Variants in TRAK1 observed in about 807,000 individuals in gnomAD.
TRAK1 encodes the protein trafficking kinesin protein 1, also known as trafficking kinesin-binding protein 1.
In TRAK1, 33 loss-of-function variants were observed where a neutral mutation model predicts 92.1. The ratio of observed to expected loss-of-function variants is 0.36; its 90% CI spans 0.27 to 0.48. The LOEUF (loss-of-function observed/expected upper bound fraction) is 0.48, where lower values mean the gene tolerates loss of function less well. Ranked by LOEUF, TRAK1 falls within the 20% of genes least tolerant of loss-of-function variation. The pLI, the probability that TRAK1 is intolerant of heterozygous loss-of-function variation, is 0.99. For synonymous variants in TRAK1, 521 were observed against 517.3 expected (o/e 1.01, Z -0.10); for missense variants, 1,123 against 1,257.9 (o/e 0.89, Z 1.62).
At chr3:42,141,453 A>G (rs1262827784) in intron 2 of TRAK1, among the ~76,000 whole-genome samples, 3 of 152,202 alleles carry the variant, frequency 2.0e-5, no homozygotes, top group Non-Finnish European at 4.4e-5. Flanking sequence ...ATCTTAATAG[A>G]TATTAAAGAA....
rs568936405 is a variant in TRAK1, at chr3:42,134,012, C to T, written c.286+8398C>T. Reference sequence around the variant, plus strand: ...TAATTACATTAATAAGCAAAACAGGCGTGAACAGACAGGTTGGGAACACAC... The same window carrying T: ...TAATTACATTAATAAGCAAAACAGGTGTGAACAGACAGGTTGGGAACACAC... On this transcript the variant is annotated intron_variant, in intron 2 of 15. Transcript: ENST00000327628. Among the ~76,000 whole-genome samples, 105 of 152,170 alleles carry T rather than the reference C, an allele frequency of 6.9e-4. 1 individual carries two copies. Among genetic ancestry groups the T allele is most frequent in the African/African-American group, 2.5e-3 (102 of 41,504 alleles).
At chr3:42,154,552 C>T (rs1700329731) in intron 2 of TRAK1, among the ~76,000 whole-genome samples, 1 of 152,066 alleles carries the variant, frequency 6.6e-6, no homozygotes, top group East Asian at 1.9e-4. Context: ...GATCAAGACT[C>T]ATTGCAGCCT....
At chr3:42,199,079 G>C in intron 10 of TRAK1, 98 bp from the exon 11 acceptor site, 2 of 1,239,876 alleles carry the variant, frequency 1.6e-6, no homozygotes, top group South Asian at 1.3e-5. Context: ...CTGATGCCTT[G>C]GTTTACTCTC....
At position 42,199,404 on chromosome 3, in the gene TRAK1, G is replaced by T. The variant is rs1707209516; in HGVS notation, c.1190+151G>T. The T allele has an allele frequency of 1.0e-5, 7 of 679,330 alleles. No individual in the cohort carries two copies. The South Asian group carries it at 1.2e-4, about 11-fold the overall frequency. 42.1% of individuals were successfully genotyped at this position (679,330 alleles called of 1,614,324 possible). ...AGATTAAGGGAAATAATAGAACACA[G>T]CTGACAGCATCCCTCAGCTCCTCTT... On this transcript the variant is annotated intron_variant, in intron 11 of 15. Transcript: ENST00000327628.
chr3:42,036,382 C>G (rs1396755513), intron 1 of TRAK1, among the ~76,000 whole-genome samples: 1 of 152,236 alleles, frequency 6.6e-6, no homozygotes, highest in African/African-American at 2.4e-5. Context: ...ACTTTTCAAT[C>G]TTCACTTAGT....
At chr3:42,030,689 A>AATATATAT (rs57651073) in intron 1 of TRAK1, among the ~76,000 whole-genome samples, 30 of 97,666 alleles carry the variant, frequency 3.1e-4, no homozygotes, top group African/African-American at 1.5e-3. Flanking sequence ...AAAAAAAAAG[A>AATATATAT]ATATATATAT....
At chr3:42,217,043 C>G (rs1429415462) in intron 14 of TRAK1, among the ~76,000 whole-genome samples, 1 of 152,042 alleles carries the variant, frequency 6.6e-6, no homozygotes, top group Admixed American at 6.5e-5. Flanking sequence ...TGAGCCCTCA[C>G]CCAACCCCCC....
chr3:42,182,967 G>C (rs1433850503), intron 3 of TRAK1, among the ~76,000 whole-genome samples: 1 of 152,294 alleles, frequency 6.6e-6, no homozygotes, highest in South Asian at 2.1e-4. Context: ...GGGAACCTAT[G>C]TTCAAGTAGG....
intron 12 of TRAK1, 140 bp downstream of exon 12, chr3:42,201,194 C>G: frequency 5.4e-6 from 5 of 932,206 alleles, no homozygotes; most frequent in Non-Finnish European, 8.2e-6. Flanking sequence ...CGTGGTGGCT[C>G]GCGCCTATAA....
chr3:42,161,514 G>A (rs1322227200), intron 2 of TRAK1, among the ~76,000 whole-genome samples: 2 of 151,938 alleles, frequency 1.3e-5, no homozygotes, highest in African/African-American at 4.8e-5. Flanking sequence ...GTAGTGAGTA[G>A]CAGGGCCCAC....
At chr3:42,176,685 A>G in intron 2 of TRAK1, 129 bp from the exon 3 acceptor site, 1 of 795,068 alleles carries the variant, frequency 1.3e-6, no homozygotes, top group Non-Finnish European at 2.2e-6. Context: ...TTGCGGGTTG[A>G]ACCCAGCGAG....
chr3:42,107,402 C>T (rs1331030249), intron 1 of TRAK1, among the ~76,000 whole-genome samples: 1 of 151,748 alleles, frequency 6.6e-6, no homozygotes, highest in Non-Finnish European at 1.5e-5. Flanking sequence ...GTCCCAGTTA[C>T]TTGGGAGGCT....
intron 2 of TRAK1, among the ~76,000 whole-genome samples, chr3:42,127,141 C>T (rs943460033): frequency 1.3e-5 from 2 of 152,142 alleles, no homozygotes; most frequent in African/African-American, 4.8e-5. Flanking sequence ...TCTACAGTAA[C>T]CTCCTTGGTA....
At chr3:42,060,447 G>A in intron 1 of TRAK1, among the ~76,000 whole-genome samples, 1 of 152,022 alleles carries the variant, frequency 6.6e-6, no homozygotes, top group East Asian at 1.9e-4. Flanking sequence ...GAGAGACGGG[G>A]CAGCTTTGAA....
chr3:42,185,494 G>A (rs1487633896), intron 4 of TRAK1, among the ~76,000 whole-genome samples: 2 of 152,130 alleles, frequency 1.3e-5, no homozygotes, highest in Non-Finnish European at 2.9e-5. Flanking sequence ...TTCTGGAAGG[G>A]ACGTGGTGTG....
intron 2 of TRAK1, among the ~76,000 whole-genome samples, chr3:42,157,055 G>A (rs896992842): frequency 6.6e-6 from 1 of 151,940 alleles, no homozygotes; most frequent in Non-Finnish European, 1.5e-5. Flanking sequence ...GGGAGGCTGA[G>A]GCAGGAGAAT....
intron 2 of TRAK1, among the ~76,000 whole-genome samples, chr3:42,164,775 A>G (rs189184463): frequency 7.9e-5 from 12 of 152,296 alleles, no homozygotes; most frequent in African/African-American, 2.9e-4. Context: ...TTAGTGACAT[A>G]TTTAGAGGAG....
intron 1 of TRAK1, among the ~76,000 whole-genome samples, chr3:42,042,664 CCCAGCCTGG>C (rs913415288): frequency 6.6e-6 from 1 of 152,086 alleles, no homozygotes; most frequent in African/African-American, 2.4e-5. Flanking sequence ...AGCCACCGCG[CCCAGCCTGG>C]AACTTTTATT....
chr3:42,031,351 T>C (rs938165377), intron 1 of TRAK1, among the ~76,000 whole-genome samples: 1 of 150,616 alleles, frequency 6.6e-6, no homozygotes, highest in South Asian at 2.2e-4. Flanking sequence ...ATTTTCAAAA[T>C]TGAAAGTTTT....
Sources: allele counts gnomAD v4.1 joint callset (sites outside exome capture counted in the v4.1 genomes callset), GRCh38; gene constraint gnomAD v4.1.1; transcripts MANE v1.5; gene names NCBI Gene and HGNC (gene_info 2026-07-23, HGNC 2026-07-21).